The following GPR158 variants were observed in gnomAD, a reference collection of about 807,000 sequenced individuals.
GPR158 encodes metabotropic glycine receptor.
Under a neutral mutation model 78.2 loss-of-function variants are expected in GPR158, and 30 were observed. The observed-to-expected ratio is 0.38, with a 90% CI of 0.29 to 0.52. GPR158 has a LOEUF of 0.52. Ranked by LOEUF, GPR158 falls within the 20% of genes least tolerant of loss-of-function variation. GPR158 has a pLI of 0.83. For synonymous variants in GPR158, 581 were observed against 591.1 expected, an observed-to-expected ratio of 0.98 and a Z score of 0.25; for missense variants, 1,463 against 1,523.5, an observed-to-expected ratio of 0.96 and a Z score of 0.66.
intron 3 of GPR158, among the ~76,000 whole-genome samples, chr10:25,406,707 C>G: frequency 6.6e-6 from 1 of 152,030 alleles, no homozygotes. Flanking sequence ...TTTTCTTTTC[C>G]ATCTGGCTTA....
intron 2 of GPR158, among the ~76,000 whole-genome samples, chr10:25,360,687 G>GT (rs1429973548): frequency 6.6e-6 from 1 of 152,078 alleles, no homozygotes; most frequent in Non-Finnish European, 1.5e-5. Context: ...TTGAAGTCAG[G>GT]TAGCGTGATG....
intron 5 of GPR158, among the ~76,000 whole-genome samples, chr10:25,534,770 A>G (rs188074094): frequency 1.3e-5 from 2 of 151,990 alleles, no homozygotes; most frequent in East Asian, 3.9e-4. Context: ...CTCCATCTCA[A>G]AAAGTTAGAT....
At chr10:25,568,663 G>T (rs1379175996) in intron 6 of GPR158, among the ~76,000 whole-genome samples, 3 of 152,088 alleles carry the variant, frequency 2.0e-5, no homozygotes, top group African/African-American at 7.2e-5. Context: ...GAAAACAGAG[G>T]CAGATGAATA....
intron 2 of GPR158, among the ~76,000 whole-genome samples, chr10:25,236,272 A>C (rs1853523533): frequency 6.6e-6 from 1 of 152,108 alleles, no homozygotes; most frequent in Admixed American, 6.6e-5. Context: ...TTGGGAGGCC[A>C]AGATGGGCTG....
intron 2 of GPR158, among the ~76,000 whole-genome samples, chr10:25,348,860 G>A (rs146135983): frequency 1.3e-5 from 2 of 152,134 alleles, no homozygotes; most frequent in Non-Finnish European, 2.9e-5. Context: ...ATTCACTCTA[G>A]TCATGCAGCT....
chr10:25,325,945 ATTTTC>A (rs1197300492), intron 2 of GPR158, among the ~76,000 whole-genome samples: 1 of 145,374 alleles, frequency 6.9e-6, no homozygotes, highest in Non-Finnish European at 1.5e-5. Context: ...TTCTTTGCCC[ATTTTC>A]TTTTCTTCAA....
chr10:25,207,420 T>G (rs117126411), intron 1 of GPR158, among the ~76,000 whole-genome samples: 1,838 of 152,258 alleles, frequency 0.012, 18 homozygotes, highest in Non-Finnish European at 0.016. Flanking sequence ...GGGACTAGTT[T>G]TTGAGGAAGA....
chr10:25,353,828 T>C (rs764918349), intron 2 of GPR158, among the ~76,000 whole-genome samples: 47 of 152,202 alleles, frequency 3.1e-4, no homozygotes, highest in Middle Eastern at 3.4e-3. Context: ...AACCTTGTAA[T>C]TGGAGAATTG....
rs960038101 is a variant in GPR158 at position 25,175,370 on chromosome 10, A to G, written c.-51A>G. ...GTTGAGAAACTGACGATCCAAATTT[A>G]AAAAGTGATTCCCCCCCCTCCCGTT... On this transcript the variant is annotated 5_prime_UTR_variant, in exon 1 of 11. Coordinates refer to ENST00000376351, the MANE Select transcript of GPR158 (RefSeq NM_020752.3). The surrounding 1 kb of genome is among the most constrained non-coding windows in gnomAD (Gnocchi z 6.4). 5 of 1,168,918 alleles carry G rather than the reference A, an allele frequency of 4.3e-6. No individual in the cohort carries two copies. The highest frequency in any genetic ancestry group is 4.6e-5 in the Admixed American group (2 of 43,012). 72.4% of individuals were successfully genotyped at this position (1,168,918 alleles called of 1,614,324 possible).
rs566752259 is a variant in GPR158 at position 25,424,865 on chromosome 10, G to A, written c.1335+12392G>A. On this transcript the variant is annotated intron_variant, in intron 4 of 10. Transcript: ENST00000376351. The stretch of plus-strand genomic sequence containing the variant: ...TTGCTTAGGATTATCTTGGCAATGC[G>A]GGCTCTTTTTTGGTTCCACATGAAA... 4.1e-3 allele frequency among the ~76,000 whole-genome samples: 617 copies of A among 152,158 alleles called. 2 individuals are homozygous for A. Among genetic ancestry groups the A allele is most frequent in the African/African-American group, 0.012 (498 of 41,508 alleles).
At chr10:25,301,675 A>G (rs1854596719) in intron 2 of GPR158, among the ~76,000 whole-genome samples, 1 of 143,424 alleles carries the variant, frequency 7.0e-6, no homozygotes, top group Admixed American at 7.0e-5. Context: ...AGTAACATGT[A>G]CTGCAAATTG....
intron 2 of GPR158, among the ~76,000 whole-genome samples, chr10:25,301,403 T>A (rs1416994): frequency 1.3e-5 from 2 of 152,140 alleles, no homozygotes; most frequent in East Asian, 1.9e-4. Context: ...GTCCCTACCC[T>A]CAGAGATACT....
intron 2 of GPR158, among the ~76,000 whole-genome samples, chr10:25,312,137 A>T (rs752856312): frequency 6.6e-6 from 1 of 152,004 alleles, no homozygotes; most frequent in African/African-American, 2.4e-5. Context: ...CAAACTTGAC[A>T]TGTGGAAATT....
intron 2 of GPR158, among the ~76,000 whole-genome samples, chr10:25,271,924 G>A (rs183458892): frequency 6.5e-4 from 99 of 152,206 alleles, no homozygotes; most frequent in African/African-American, 2.2e-3. Context: ...ACAGGCATAA[G>A]CCACTGCCTC....
intron 2 of GPR158, among the ~76,000 whole-genome samples, chr10:25,276,179 A>G (rs1359510932): frequency 1.3e-5 from 2 of 152,196 alleles, no homozygotes; most frequent in Non-Finnish European, 2.9e-5. Context: ...AAGACGTGGT[A>G]CATTTAATTA....
In GPR158 at chr10:25,412,416, G is replaced by C. The variant is rs763072388; in HGVS notation, c.1278G>C (p.Leu426=). The C allele has an allele frequency of 6.2e-7, 1 of 1,614,126 alleles. No individual in the cohort carries two copies. The highest frequency in any genetic ancestry group is 8.5e-7 in the Non-Finnish European group (1 of 1,179,954). ...LRLAIISFQA[L]CMLLDFVSML... is the part of the protein sequence containing the mutation. ...TTGCCATCATCTCCTTCCAAGCCCT[G>C]TGTATGCTGCTCGACTTCGTTAGCA... The change falls in exon 4 of 11, where the codon CTG becomes CTC. Residue 426 remains leucine (L), a synonymous_variant. Coordinates refer to ENST00000376351, the MANE Select transcript of GPR158 (RefSeq NM_020752.3).
chr10:25,445,939 T>C (rs748066060), intron 4 of GPR158, among the ~76,000 whole-genome samples: 2 of 152,120 alleles, frequency 1.3e-5, no homozygotes, highest in South Asian at 2.1e-4. Context: ...GAACCTCTAG[T>C]TGGAGAAGTC....
In GPR158 at chr10:25,412,412, C is replaced by G. The variant is rs2480345; in HGVS notation, c.1274C>G (p.Ala425Gly). ...CGACTTGCCATCATCTCCTTCCAAG[C>G]CCTGTGTATGCTGCTCGACTTCGTT... is the stretch of plus-strand genomic sequence containing the variant. ...YLRLAIISFQ[A>G]LCMLLDFVSM... The change falls in exon 4 of 11, where the codon GCC becomes GGC. Residue 425 changes from alanine (A) to glycine (G), a missense_variant. Transcript: ENST00000376351. The G allele has an allele frequency of 0.68, 1,102,438 of 1,612,848 alleles. 389,197 individuals are homozygous for G. The highest frequency in any genetic ancestry group is 0.74 in the Non-Finnish European group (867,229 of 1,179,014).
intron 5 of GPR158, among the ~76,000 whole-genome samples, chr10:25,534,132 TATGCTTTGGCAC>T (rs778390557): frequency 8.5e-5 from 13 of 152,232 alleles, no homozygotes; most frequent in Admixed American, 7.9e-4. Context: ...TTCATCTGGT[TATGCTTTGGCAC>T]ATGCTTTTCT....
Sources: gnomAD v4.1 joint callset for allele counts (sites outside exome capture counted in the v4.1 genomes callset) on GRCh38, gnomAD v4.1.1 for gene constraint, Gnocchi (gnomAD v3.1) non-coding constraint, MANE v1.5 for transcripts, NCBI Gene and HGNC (gene_info 2026-07-23, HGNC 2026-07-21) for gene names.